Variants in SPATA17 observed in about 807,000 individuals in gnomAD.
SPATA17 encodes spermatogenesis associated 17, also known as spermatogenesis-associated protein 17.
Under a neutral mutation model 62.2 loss-of-function variants are expected in SPATA17, and 53 were observed. The ratio of observed to expected loss-of-function variants is 0.85; its 90% CI spans 0.68 to 1.07. The LOEUF is 1.07. Among genes scored for constraint, SPATA17 ranks in the 50% least tolerant of loss-of-function variants. The pLI is 0.00. For synonymous variants in SPATA17, 146 were observed against 146.8 expected (o/e 0.99, Z 0.04); for missense variants, 466 against 425.5 (o/e 1.10, Z -0.84).
chr1:217,640,267 G>A, intron 1 of SPATA17, among the ~76,000 whole-genome samples: 1 of 151,898 alleles, frequency 6.6e-6, no homozygotes, highest in East Asian at 1.9e-4. Flanking sequence ...GCAAATCAAA[G>A]GCATAAAAAT....
intron 5 of SPATA17, among the ~76,000 whole-genome samples, chr1:217,720,260 G>C (rs184877400): frequency 6.6e-5 from 10 of 152,258 alleles, no homozygotes; most frequent in Non-Finnish European, 1.5e-4. Flanking sequence ...TAAAAAATTG[G>C]TGACTGACAC....
intron 6 of SPATA17, among the ~76,000 whole-genome samples, chr1:217,753,037 G>A (rs1672952490): frequency 6.6e-6 from 1 of 152,154 alleles, no homozygotes; most frequent in Non-Finnish European, 1.5e-5. Flanking sequence ...CATGCCCACA[G>A]CCACTCTCAT....
At chr1:217,768,527 T>C (rs1379862415) in intron 6 of SPATA17, among the ~76,000 whole-genome samples, 1 of 150,804 alleles carries the variant, frequency 6.6e-6, no homozygotes, top group African/African-American at 2.4e-5. Context: ...AATTTCACAC[T>C]GTCACCTGGG....
intron 4 of SPATA17, among the ~76,000 whole-genome samples, chr1:217,682,787 T>C (rs1409625723): frequency 6.6e-6 from 1 of 152,186 alleles, no homozygotes; most frequent in African/African-American, 2.4e-5. Context: ...AATTAAAATG[T>C]CATAATTAAG....
intron 9 of SPATA17, among the ~76,000 whole-genome samples, chr1:217,841,747 T>C (rs1675408225): frequency 6.6e-6 from 1 of 151,430 alleles, no homozygotes; most frequent in Admixed American, 6.6e-5. Flanking sequence ...ATAATACACA[T>C]GTCATGCACT....
intron 7 of SPATA17, among the ~76,000 whole-genome samples, chr1:217,781,551 C>T (rs184768176): frequency 6.6e-6 from 1 of 152,236 alleles, no homozygotes; most frequent in East Asian, 1.9e-4. Flanking sequence ...GTGGACTTTC[C>T]TCTGCTAAGT....
chr1:217,775,504 A>T (rs1291708215), intron 7 of SPATA17, among the ~76,000 whole-genome samples: 2 of 152,126 alleles, frequency 1.3e-5, no homozygotes, highest in Non-Finnish European at 2.9e-5. Context: ...AGAGATCAAG[A>T]CCATCCTGGA....
At chr1:217,715,380 T>C (rs930235879) in intron 5 of SPATA17, among the ~76,000 whole-genome samples, 1 of 152,220 alleles carries the variant, frequency 6.6e-6, no homozygotes, top group African/African-American at 2.4e-5. Context: ...GAAGAATGAC[T>C]AATGGATTTA....
intron 5 of SPATA17, 37 bp downstream of exon 5, chr1:217,683,398 T>C (rs748563010): frequency 2.3e-6 from 3 of 1,318,204 alleles, no homozygotes; most frequent in South Asian, 2.4e-5. Flanking sequence ...AGGGAAAACT[T>C]TGGAAAGATT....
intron 1 of SPATA17, among the ~76,000 whole-genome samples, chr1:217,635,832 G>T (rs1265320231): frequency 2.6e-5 from 4 of 151,916 alleles, no homozygotes; most frequent in Non-Finnish European, 5.9e-5. Flanking sequence ...CAAGTTGCAA[G>T]CCTTAAAAAG....
intron 1 of SPATA17, among the ~76,000 whole-genome samples, chr1:217,643,583 T>G (rs1409479679): frequency 6.6e-6 from 1 of 151,900 alleles, no homozygotes; most frequent in Non-Finnish European, 1.5e-5. Flanking sequence ...TGTGACTTCC[T>G]CCTCCCACAC....
chr1:217,669,031 A>T lies in SPATA17; in HGVS notation c.241-2A>T. 1 of 1,610,672 alleles carries T rather than the reference A, an allele frequency of 6.2e-7. No homozygotes were observed. Among genetic ancestry groups the T allele is most frequent in the Non-Finnish European group, 8.5e-7 (1 of 1,178,550 alleles). ...ATGCCATCTTTTTTTCTTGATTCAC[A>T]GGTAGCATATTATACTATGATGATG... On this transcript the variant is annotated splice_acceptor_variant, in intron 3 of 10. Transcript: ENST00000366933. LOFTEE classifies it high-confidence loss of function.
At chr1:217,651,453 G>T (rs972285962) in intron 3 of SPATA17, among the ~76,000 whole-genome samples, 3 of 152,076 alleles carry the variant, frequency 2.0e-5, no homozygotes, top group Non-Finnish European at 4.4e-5. Context: ...ATTTATTGAT[G>T]GTTATCTGTA....
chr1:217,753,318 AGTT>A (rs1672959766), intron 6 of SPATA17, among the ~76,000 whole-genome samples: 2 of 152,186 alleles, frequency 1.3e-5, no homozygotes, highest in Non-Finnish European at 2.9e-5. Flanking sequence ...TGCTCAAATA[AGTT>A]TTAACTTTTG....
intron 9 of SPATA17, among the ~76,000 whole-genome samples, chr1:217,829,114 T>C (rs1044155396): frequency 2.0e-5 from 3 of 152,156 alleles, no homozygotes; most frequent in African/African-American, 7.2e-5. Flanking sequence ...GAGAAGATAT[T>C]ACCACATTGT....
chr1:217,696,461 C>G (rs1265850278), intron 5 of SPATA17, among the ~76,000 whole-genome samples: 1 of 152,230 alleles, frequency 6.6e-6, no homozygotes, highest in Non-Finnish European at 1.5e-5. Flanking sequence ...TTCTGCGTCG[C>G]TCCGCTCACG....
intron 8 of SPATA17, among the ~76,000 whole-genome samples, chr1:217,791,542 G>A (rs1056253807): frequency 2.6e-5 from 4 of 152,204 alleles, no homozygotes; most frequent in Admixed American, 1.3e-4. Context: ...TTAAGTAAAT[G>A]ACCACAGAAT....
chr1:217,822,232 C>A (rs1281318516), intron 9 of SPATA17, among the ~76,000 whole-genome samples: 2 of 152,002 alleles, frequency 1.3e-5, no homozygotes, highest in African/African-American at 4.8e-5. Flanking sequence ...ACATTCTCAT[C>A]AACACTGAAT....
chr1:217,752,631 A>G (rs933199532), intron 6 of SPATA17, among the ~76,000 whole-genome samples: 5 of 152,206 alleles, frequency 3.3e-5, no homozygotes, highest in Admixed American at 3.3e-4. Flanking sequence ...TGTTGAATAT[A>G]TTTTTGAAAG....
Sources: allele counts gnomAD v4.1 joint callset (sites outside exome capture counted in the v4.1 genomes callset), GRCh38; gene constraint gnomAD v4.1.1; transcripts MANE v1.5; gene names NCBI Gene and HGNC (gene_info 2026-07-23, HGNC 2026-07-21).